The following ANGPTL2 variants were observed in gnomAD, a reference collection of about 807,000 sequenced individuals.
ANGPTL2 encodes the protein angiopoietin like 2.
In ANGPTL2, 25 loss-of-function variants were observed where a neutral mutation model predicts 52.8. The observed-to-expected ratio is 0.47, with a 90% CI of 0.35 to 0.66. The LOEUF is 0.66. Ranked by LOEUF, ANGPTL2 falls within the 30% of genes least tolerant of loss-of-function variation. The probability of loss-of-function intolerance (pLI) is 0.01; values close to 1 mark genes in which losing one functional copy is unlikely to be tolerated. For missense variants in ANGPTL2, 546 were observed against 656.9 expected, an observed-to-expected ratio of 0.83 and a Z score of 1.84; for synonymous variants, 276 against 277.4, an observed-to-expected ratio of 1.00 and a Z score of 0.05.
chr9:127,109,749 G>A (rs766714168), intron 1 of ANGPTL2, among the ~76,000 whole-genome samples: 1 of 152,202 alleles, frequency 6.6e-6, no homozygotes, highest in Non-Finnish European at 1.5e-5. Context: ...TGCCCTCATG[G>A]GGCTTTCACA....
intron 2 of ANGPTL2, among the ~76,000 whole-genome samples, chr9:127,095,457 C>G (rs950602794): frequency 6.6e-6 from 1 of 152,222 alleles, no homozygotes; most frequent in African/African-American, 2.4e-5. Context: ...GACAAAAGTG[C>G]TAAGAAAGTA....
intron 3 of ANGPTL2, 133 bp from the exon 4 acceptor site, chr9:127,092,073 C>T (rs2052551829): frequency 1.9e-6 from 2 of 1,064,196 alleles, no homozygotes; most frequent in Non-Finnish European, 2.7e-6. Context: ...CTGGTTCAGA[C>T]CCCTACTCCA....
At chr9:127,116,740 C>T (rs1657180865) in intron 1 of ANGPTL2, among the ~76,000 whole-genome samples, 1 of 152,216 alleles carries the variant, frequency 6.6e-6, no homozygotes, top group South Asian at 2.1e-4. Flanking sequence ...TGGACTTGTT[C>T]CTCAAACACT....
At chr9:127,093,076 C>T (rs1026464558) in intron 3 of ANGPTL2, among the ~76,000 whole-genome samples, 18 of 152,208 alleles carry the variant, frequency 1.2e-4, no homozygotes, top group African/African-American at 4.3e-4. Context: ...AAATAATGCA[C>T]GAAAGCCCTT....
Position 127,091,510 on chromosome 9 carries a change from G to A in ANGPTL2, c.1282+160C>T, listed in dbSNP as rs1381970950. On this transcript the variant is annotated intron_variant, in intron 4 of 4. Transcript: ENST00000373425. This position sits in a 1 kb window ranked among gnomAD's most constrained non-coding sequence, Gnocchi z 4.3. ...CTTTGTGAAGGGGACCTGTGGGCAG[G>A]AGAAGGGACCCTCAGGGGGTGGTAA... Among the ~76,000 whole-genome samples the A allele has an allele frequency of 6.6e-6, 1 of 152,150 alleles. No individual in the cohort carries two copies. The highest frequency in any genetic ancestry group is 2.4e-5 in the African/African-American group (1 of 41,428).
chr9:127,119,791 T>C (rs1252859879), intron 1 of ANGPTL2, among the ~76,000 whole-genome samples: 1 of 152,064 alleles, frequency 6.6e-6, no homozygotes, highest in African/African-American at 2.4e-5. Flanking sequence ...ACTGCCTCAT[T>C]AGTAGTAAGT....
rs758959493 is a variant in ANGPTL2 at position 127,108,163 on chromosome 9, G to A, written c.569C>T (p.Ala190Val). The change falls in exon 2 of 5, where the codon GCC becomes GTC. Residue 190 changes from alanine (A) to valine (V), a missense_variant. Physicochemically the swap from Ala to Val is moderately conservative, Grantham distance 64. Coordinates refer to ENST00000373425, the MANE Select transcript of ANGPTL2 (RefSeq NM_012098.3). ...EHKYQHLATL[A>V]HNQSEIIAQL... ...CGCGATGATCTCTGATTGGTTGTGG[G>A]CCAGTGTGGCCAGGTGCTGGTACTT... 1 of 1,614,112 alleles carries A rather than the reference G, an allele frequency of 6.2e-7. No individual in the cohort carries two copies. The highest frequency in any genetic ancestry group is 1.1e-5 in the South Asian group (1 of 91,084).
At chr9:127,105,875 T>C (rs1030586506) in intron 2 of ANGPTL2, among the ~76,000 whole-genome samples, 1 of 152,216 alleles carries the variant, frequency 6.6e-6, no homozygotes, top group Non-Finnish European at 1.5e-5. Context: ...GACTAGCATG[T>C]AGTAGGGGCT....
chr9:127,089,130 C>T lies in ANGPTL2; in HGVS notation c.1291G>A (p.Ala431Thr). ...CACCAGCCTCCCTTCTGGTAGTGGG[C>T]ACAGTTTCCTGCAAGAGAGAAGGCA... ...RDHDVYTGNCAHYQKGGWWYN... is the reference protein window; with the variant it reads ...RDHDVYTGNCTHYQKGGWWYN... The change falls in exon 5 of 5, where the codon GCC becomes ACC. Residue 431 changes from alanine to threonine, a missense_variant. Around this residue, in one of 2 missense-constraint regions of ANGPTL2, gnomAD observed 261 missense variants for 361.0 expected, o/e 0.72. Transcript: ENST00000373425. 1 of 1,614,140 alleles carries T rather than the reference C, an allele frequency of 6.2e-7. No homozygotes were observed. The highest frequency in any genetic ancestry group is 1.7e-4 in the Middle Eastern group (1 of 6,056).
chr9:127,089,281 G>T, intron 4 of ANGPTL2, 143 bp from the exon 5 acceptor site: 1 of 810,516 alleles, frequency 1.2e-6, no homozygotes, highest in Non-Finnish European at 2.0e-6. Flanking sequence ...TCCATGGGTG[G>T]TGAGAGGCCA....
Position 127,088,953 on chromosome 9 carries a change from T to C in ANGPTL2, c.1468A>G (p.Asn490Asp), listed in dbSNP as rs533914458. Residue 490 changes from asparagine (N) to aspartate (D), a missense_variant, in exon 5 of 5, where the codon AAC becomes GAC. By Grantham distance (23) the Asn-to-Asp change is conservative (BLOSUM62 1). Around this residue, in one of 2 missense-constraint regions of ANGPTL2, gnomAD observed 261 missense variants for 361.0 expected, o/e 0.72. Transcript: ENST00000373425. ...GGGGAGCTGGCTTAGTGGAAGGTGT[T>C]GGGGTTCGGTCGGATCATCATCACC... ...KVVMMIRPNPNTFH is the reference protein window; with the variant it reads ...KVVMMIRPNPDTFH 6.2e-7 allele frequency: 1 copy of C among 1,614,150 alleles called. No individual in the cohort carries two copies. The highest frequency in any genetic ancestry group is 1.1e-5 in the South Asian group (1 of 91,084).
At chr9:127,110,070 C>T (rs931393637) in intron 1 of ANGPTL2, among the ~76,000 whole-genome samples, 4 of 152,202 alleles carry the variant, frequency 2.6e-5, no homozygotes, top group African/African-American at 9.7e-5. Context: ...ATCCCCTCTG[C>T]AGCTCTTGTT....
At chr9:127,118,102 T>G (rs1436981717) in intron 1 of ANGPTL2, among the ~76,000 whole-genome samples, 1 of 152,162 alleles carries the variant, frequency 6.6e-6, no homozygotes, top group Non-Finnish European at 1.5e-5. Context: ...ATCACCAGAC[T>G]GGAGTGCAGT....
At chr9:127,095,104 A>G (rs2052958878) in intron 2 of ANGPTL2, among the ~76,000 whole-genome samples, 1 of 152,222 alleles carries the variant, frequency 6.6e-6, no homozygotes, top group South Asian at 2.1e-4. Flanking sequence ...TCTCTTCAAA[A>G]TATTCCTCAT....
At chr9:127,099,269 T>C (rs1417150280) in intron 2 of ANGPTL2, among the ~76,000 whole-genome samples, 1 of 152,246 alleles carries the variant, frequency 6.6e-6, no homozygotes, top group Non-Finnish European at 1.5e-5. Flanking sequence ...GTGAATATTT[T>C]AGTCCATACG....
chr9:127,098,816 C>G (rs1003150040), intron 2 of ANGPTL2, among the ~76,000 whole-genome samples: 6 of 152,196 alleles, frequency 3.9e-5, no homozygotes, highest in African/African-American at 1.4e-4. Flanking sequence ...GAACCGGCAC[C>G]TAGGCCAGGC....
chr9:127,092,032 G>C, intron 3 of ANGPTL2, 92 bp from the exon 4 acceptor site: 1 of 1,493,386 alleles, frequency 6.7e-7, no homozygotes, highest in South Asian at 1.3e-5. Flanking sequence ...GGATAGAGGG[G>C]CCTGGGAAAC....
intron 2 of ANGPTL2, among the ~76,000 whole-genome samples, chr9:127,100,349 A>T (rs1280318610): frequency 6.6e-6 from 1 of 152,240 alleles, no homozygotes; most frequent in Non-Finnish European, 1.5e-5. Flanking sequence ...GAAAGGGCTT[A>T]TAAAGGTCCT....
At position 127,120,724 on chromosome 9, in the gene ANGPTL2, A is replaced by T. The variant is rs1472649089; in HGVS notation, c.-50+1591T>A. 3.3e-5 allele frequency among the ~76,000 whole-genome samples: 5 copies of T among 151,782 alleles called. No homozygotes were observed. In the South Asian group the frequency reaches 1.0e-3, roughly 32 times the overall value. ...GCACCTGTAGCCCCAGCTACTCGGG[A>T]GGCTGAGGCAGGAGAATGGCGTGAA... On this transcript the variant is annotated intron_variant, in intron 1 of 4. Transcript: ENST00000373425.
Sources: gnomAD v4.1 joint callset for allele counts (sites outside exome capture counted in the v4.1 genomes callset) on GRCh38, gnomAD v4.1.1 for gene constraint, gnomAD v4.1.1 regional missense constraint, Gnocchi (gnomAD v3.1) non-coding constraint, MANE v1.5 for transcripts, NCBI Gene and HGNC (gene_info 2026-07-23, HGNC 2026-07-21) for gene names.